The following ATP2C2 variants were observed in gnomAD, a reference collection of about 807,000 sequenced individuals.
ATP2C2 encodes the protein calcium-transporting ATPase type 2C member 2.
Under a neutral mutation model 110.8 loss-of-function variants are expected in ATP2C2, and 171 were observed. The ratio of observed to expected loss-of-function variants is 1.54; its 90% CI spans 1.36 to 1.75. The LOEUF (loss-of-function observed/expected upper bound fraction) is 1.75. Among genes scored for constraint, ATP2C2 ranks in the 40% most tolerant of loss-of-function variants. ATP2C2 has a pLI of 0.00. For synonymous variants in ATP2C2, 804 were observed against 508.4 expected (o/e 1.58, Z -7.82); for missense variants, 1,963 against 1,235.0 (o/e 1.59, Z -8.84).
intron 21 of ATP2C2, 109 bp downstream of exon 21, chr16:84,455,093 C>T: frequency 2.9e-6 from 4 of 1,383,720 alleles, no homozygotes; most frequent in Non-Finnish European, 4.0e-6. Flanking sequence ...GCGGAGTCCC[C>T]AGGGAGAGCT....
In ATP2C2 at chr16:84,437,085, T is replaced by C. The variant is rs150593178; in HGVS notation, c.987-2081T>C. On this transcript the variant is annotated intron_variant, in intron 11 of 26. Coordinates refer to ENST00000262429, the MANE Select transcript of ATP2C2 (RefSeq NM_014861.4). ...CCTTTTTCTTTCTTAAACAGCTTTATTGAGATATAATTCACATATATAATT... is the reference window on the plus strand; with the variant it reads ...CCTTTTTCTTTCTTAAACAGCTTTACTGAGATATAATTCACATATATAATT... Among the ~76,000 whole-genome samples the C allele has an allele frequency of 1.5e-3, 232 of 152,290 alleles. 1 individual carries two copies. The highest frequency in any genetic ancestry group is 5.4e-3 in the African/African-American group (224 of 41,580).
chr16:84,461,650 C>T (rs1911351288), intron 24 of ATP2C2, 64 bp from the exon 25 acceptor site: 2 of 1,462,838 alleles, frequency 1.4e-6, no homozygotes, highest in East Asian at 2.3e-5. Flanking sequence ...GGCCTGTGCC[C>T]TTTGGTTCAG....
At chr16:84,369,751 C>T (rs75761784) in intron 1 of ATP2C2, among the ~76,000 whole-genome samples, 13,107 of 152,200 alleles carry the variant, frequency 0.086, 667 homozygotes, top group Middle Eastern at 0.16. Context: ...ATTAAGTATT[C>T]GTGCTTTTTT....
intron 7 of ATP2C2, among the ~76,000 whole-genome samples, chr16:84,419,508 A>G (rs549212823): frequency 1.3e-5 from 2 of 152,302 alleles, no homozygotes; most frequent in East Asian, 3.9e-4. Flanking sequence ...ACGTCTGCAT[A>G]GTCTCTGTCA....
intron 1 of ATP2C2, among the ~76,000 whole-genome samples, chr16:84,397,670 A>AAAAAAAAAAAAC (rs1555553736): frequency 1.4e-5 from 2 of 145,792 alleles, no homozygotes; most frequent in Non-Finnish European, 3.1e-5. Context: ...AAAAAAAAAA[A>AAAAAAAAAAAAC]AAACTTGCTT....
At chr16:84,389,349 G>C (rs8048544) in intron 1 of ATP2C2, among the ~76,000 whole-genome samples, 2 of 152,132 alleles carry the variant, frequency 1.3e-5, no homozygotes, top group African/African-American at 4.8e-5. Context: ...CATCTCCTTC[G>C]TTGTTAGCTG....
chr16:84,423,231 A>G lies in ATP2C2; in HGVS notation c.887A>G (p.Lys296Arg). 6.2e-7 allele frequency: 1 copy of G among 1,614,200 alleles called. No homozygotes were observed. The highest frequency in any genetic ancestry group is 2.2e-5 in the East Asian group (1 of 44,886). ...PLQKSMDRLG[K>R]QLTLFSFGII... ...CAGAAAAGCATGGACAGGCTAGGAA[A>G]GCAACTGACACTCTTCTCCTTTGGC... Residue 296 changes from lysine to arginine, a missense_variant, in exon 10 of 27, where the codon AAG becomes AGG. Transcript: ENST00000262429.
At chr16:84,413,301 C>G (rs528030828) in intron 6 of ATP2C2, among the ~76,000 whole-genome samples, 9 of 152,084 alleles carry the variant, frequency 5.9e-5, no homozygotes, top group Admixed American at 2.0e-4. Context: ...GGTAGAAAGC[C>G]GTAGTGAGAT....
chr16:84,413,434 G>A (rs751346932), intron 6 of ATP2C2, among the ~76,000 whole-genome samples: 1 of 152,192 alleles, frequency 6.6e-6, no homozygotes, highest in Non-Finnish European at 1.5e-5. Flanking sequence ...ACATCACAGA[G>A]GGTGAGTCAA....
intron 6 of ATP2C2, among the ~76,000 whole-genome samples, chr16:84,411,112 G>A (rs1176538205): frequency 6.6e-6 from 1 of 152,086 alleles, no homozygotes; most frequent in Non-Finnish European, 1.5e-5. Context: ...GGGTCTGGAG[G>A]TTTATTTGAA....
chr16:84,463,701 A>C lies in ATP2C2; in HGVS notation c.2810A>C (p.Lys937Thr), dbSNP rs200370001. Residue 937 changes from lysine to threonine, a missense_variant, in exon 27 of 27, where the codon AAG becomes ACG. Transcript: ENST00000262429. Reference protein sequence around the residue: ...KLCEKYCCSPKRVQMHPEDV With the variant: ...KLCEKYCCSPTRVQMHPEDV ...TGTGAAAAATACTGTTGCAGCCCCA[A>C]GAGAGTCCAGATGCACCCTGAAGAT... 127 of 1,614,104 alleles carry C rather than the reference A, an allele frequency of 7.9e-5. 2 individuals carry two copies. In the Middle Eastern group the frequency reaches 2.0e-3, roughly 25 times the overall value.
At chr16:84,452,218 G>A in intron 18 of ATP2C2, 127 bp downstream of exon 18, 1 of 1,151,682 alleles carries the variant, frequency 8.7e-7, no homozygotes, top group Non-Finnish European at 1.2e-6. Flanking sequence ...TACAGGCTTA[G>A]AAAAGACGCT....
At chr16:84,449,774 C>G (rs546756479) in intron 17 of ATP2C2, among the ~76,000 whole-genome samples, 23 of 152,338 alleles carry the variant, frequency 1.5e-4, no homozygotes, top group African/African-American at 5.1e-4. Flanking sequence ...ATGGTTGATA[C>G]GACCAAGCCA....
In ATP2C2 at chr16:84,434,484, C is replaced by G. The variant is rs139326995; in HGVS notation, c.987-4682C>G. Reference sequence around the variant, plus strand: ...GTGACATTCAAGATGATACAAGGCACTTGCTTTTCCTGGTCCATTCTAATC... The same window carrying G: ...GTGACATTCAAGATGATACAAGGCAGTTGCTTTTCCTGGTCCATTCTAATC... On this transcript the variant is annotated intron_variant, in intron 11 of 26. Transcript: ENST00000262429. 2.6e-4 allele frequency among the ~76,000 whole-genome samples: 40 copies of G among 152,016 alleles called. 1 individual carries two copies. The highest frequency in any genetic ancestry group is 4.9e-4 in the Non-Finnish European group (33 of 67,982).
intron 7 of ATP2C2, among the ~76,000 whole-genome samples, chr16:84,418,582 C>T (rs919097645): frequency 2.0e-5 from 3 of 152,216 alleles, no homozygotes; most frequent in African/African-American, 7.2e-5. Flanking sequence ...TGTTATTTTT[C>T]CTCTGCGTTA....
chr16:84,392,965 G>A (rs971358577), intron 1 of ATP2C2, among the ~76,000 whole-genome samples: 7 of 152,166 alleles, frequency 4.6e-5, no homozygotes, highest in African/African-American at 1.7e-4. Context: ...CAGCGTAGGT[G>A]CATCATGGCT....
At chr16:84,402,348 C>T (rs941159294) in intron 2 of ATP2C2, among the ~76,000 whole-genome samples, 2 of 152,148 alleles carry the variant, frequency 1.3e-5, no homozygotes, top group African/African-American at 4.8e-5. Context: ...CTAGAACTTA[C>T]AGTATTCTGT....
intron 11 of ATP2C2, among the ~76,000 whole-genome samples, chr16:84,427,470 C>G (rs544325360): frequency 6.6e-6 from 1 of 152,126 alleles, no homozygotes; most frequent in Non-Finnish European, 1.5e-5. Flanking sequence ...GTAATCCTAG[C>G]GCTTTGGGAG....
chr16:84,375,676 G>C (rs1910211073), intron 1 of ATP2C2, among the ~76,000 whole-genome samples: 1 of 152,194 alleles, frequency 6.6e-6, no homozygotes, highest in Non-Finnish European at 1.5e-5. Flanking sequence ...TCATTCAGTG[G>C]AAACAGGTGG....
Sources: allele counts gnomAD v4.1 joint callset (sites outside exome capture counted in the v4.1 genomes callset), GRCh38; gene constraint gnomAD v4.1.1; transcripts MANE v1.5; gene names NCBI Gene and HGNC (gene_info 2026-07-23, HGNC 2026-07-21).